Variants in NAV3 observed in about 807,000 individuals in gnomAD.
NAV3 encodes pore membrane and/or filament interacting like protein 1.
In NAV3, 87 loss-of-function variants were observed where a neutral mutation model predicts 244.7. The ratio of observed to expected loss-of-function variants is 0.36; its 90% CI spans 0.30 to 0.42. The LOEUF is 0.42. Ranked by LOEUF, NAV3 falls within the 20% of genes least tolerant of loss-of-function variation. The pLI is 1.00. For missense variants in NAV3, 2,663 were observed against 2,893.3 expected (o/e 0.92, Z 1.83); for synonymous variants, 1,126 against 1,042.2 (o/e 1.08, Z -1.55).
At chr12:77,871,219 A>T (rs1233191078) in intron 1 of NAV3, among the ~76,000 whole-genome samples, 2 of 152,196 alleles carry the variant, frequency 1.3e-5, no homozygotes, top group Non-Finnish European at 2.9e-5. Flanking sequence ...GTGAGAAATA[A>T]CTTCTCTAAG....
At chr12:77,675,759 C>T (rs538064218) in intron 2 of NAV3, among the ~76,000 whole-genome samples, 1 of 152,244 alleles carries the variant, frequency 6.6e-6, no homozygotes, top group Non-Finnish European at 1.5e-5. Context: ...GGTGAGTGTT[C>T]TGGGAAGGTT....
In NAV3 at chr12:77,968,721, G is replaced by A. The variant is rs1194140904; in HGVS notation, c.671+19G>A. The A allele has an allele frequency of 1.2e-6, 2 of 1,602,502 alleles. No individual in the cohort carries two copies. The highest frequency in any genetic ancestry group is 3.4e-5 in the Admixed American group (2 of 58,630). Reference sequence around the variant, plus strand: ...AGTCCAGGTAAGGAAAGGAAGTAGGGAATGTGTTTCCAATTAGTTTGTGTA... The same window carrying A: ...AGTCCAGGTAAGGAAAGGAAGTAGGAAATGTGTTTCCAATTAGTTTGTGTA... On this transcript the variant is annotated intron_variant, in intron 5 of 39. Coordinates refer to ENST00000397909, the MANE Select transcript of NAV3 (RefSeq NM_001024383.2).
At chr12:78,138,988 C>T (rs1428475228) in intron 19 of NAV3, among the ~76,000 whole-genome samples, 2 of 152,110 alleles carry the variant, frequency 1.3e-5, no homozygotes, top group East Asian at 3.9e-4. Context: ...GTTCTAAGGT[C>T]ATAAACAGAA....
At chr12:77,739,447 C>CT (rs529831873) in intron 2 of NAV3, among the ~76,000 whole-genome samples, 18 of 152,164 alleles carry the variant, frequency 1.2e-4, no homozygotes, top group African/African-American at 4.3e-4. Context: ...AGATTTATAC[C>CT]TTTTTGTTAA....
intron 1 of NAV3, among the ~76,000 whole-genome samples, chr12:77,933,931 T>G (rs998466467): frequency 2.0e-5 from 3 of 152,234 alleles, no homozygotes; most frequent in African/African-American, 7.2e-5. Context: ...TTTTTGAGTC[T>G]TAAAACTGTG....
At chr12:78,123,489 A>G (rs1242520545) in intron 16 of NAV3, among the ~76,000 whole-genome samples, 1 of 151,930 alleles carries the variant, frequency 6.6e-6, no homozygotes, top group Admixed American at 6.6e-5. Flanking sequence ...GTTTCCCTTT[A>G]ATGTAGGATG....
intron 2 of NAV3, among the ~76,000 whole-genome samples, chr12:77,691,630 T>A (rs1875037414): frequency 6.6e-6 from 1 of 151,640 alleles, no homozygotes; most frequent in Admixed American, 6.6e-5. Context: ...ATGACCCTTT[T>A]TAACAAATGT....
At position 77,831,557 on chromosome 12, in the gene NAV3, T is replaced by A. The variant is rs1873695721; in HGVS notation, c.96T>A (p.Thr32=). The change falls in exon 1 of 40, where the codon ACT becomes ACA. Residue 32 remains threonine (T), a synonymous_variant. Transcript: ENST00000397909. ...TTCCGATACCAAATCTTGGCACTAC[T>A]GGGTCACAGCACTGTTCTTCAAGAC... The part of the protein sequence containing the change: ...TALPIPNLGT[T]GSQHCSSRPL... 1.2e-6 allele frequency: 2 copies of A among 1,614,002 alleles called. No homozygotes were observed. The highest frequency in any genetic ancestry group is 2.7e-5 in the African/African-American group (2 of 74,926).
At chr12:77,990,036 C>A (rs1217376210) in intron 5 of NAV3, among the ~76,000 whole-genome samples, 1 of 140,068 alleles carries the variant, frequency 7.1e-6, no homozygotes, top group Non-Finnish European at 1.5e-5. Context: ...TTATTTAAAA[C>A]AAATTAAGTA....
At chr12:77,848,727 A>G (rs1482686228) in intron 1 of NAV3, among the ~76,000 whole-genome samples, 2 of 152,180 alleles carry the variant, frequency 1.3e-5, no homozygotes, top group African/African-American at 4.8e-5. Context: ...CAGGATAAAG[A>G]GTTAACTGCC....
At chr12:78,171,485 T>C (rs182218877) in intron 24 of NAV3, among the ~76,000 whole-genome samples, 1 of 151,702 alleles carries the variant, frequency 6.6e-6, no homozygotes, top group East Asian at 1.9e-4. Flanking sequence ...ACAGTTAATA[T>C]CTAAATTGAT....
chr12:77,703,932 A>G (rs1875674564), intron 2 of NAV3, among the ~76,000 whole-genome samples: 2 of 152,196 alleles, frequency 1.3e-5, no homozygotes, highest in South Asian at 2.1e-4. Flanking sequence ...TGGCTTACCA[A>G]TAATCATTTC....
intron 2 of NAV3, among the ~76,000 whole-genome samples, chr12:77,823,959 T>C (rs1216567399): frequency 6.6e-6 from 1 of 152,152 alleles, no homozygotes; most frequent in East Asian, 1.9e-4. Context: ...TGAAAAAGTA[T>C]AGTGTGTGAA....
chr12:77,718,617 G>T (rs113404393), intron 2 of NAV3, among the ~76,000 whole-genome samples: 10 of 149,122 alleles, frequency 6.7e-5, no homozygotes, highest in African/African-American at 2.6e-4. Flanking sequence ...TTTGGATTTT[G>T]ATGGAGATTT....
intron 2 of NAV3, among the ~76,000 whole-genome samples, chr12:77,703,406 T>A (rs1207765591): frequency 6.6e-6 from 1 of 152,152 alleles, no homozygotes; most frequent in Non-Finnish European, 1.5e-5. Context: ...TTAACCACAA[T>A]TCATTTATCC....
chr12:78,053,812 A>C (rs1367034694), intron 11 of NAV3, among the ~76,000 whole-genome samples: 1 of 152,084 alleles, frequency 6.6e-6, no homozygotes. Flanking sequence ...ATTTTTTTTC[A>C]CGGTTCTGTT....
intron 1 of NAV3, among the ~76,000 whole-genome samples, chr12:77,907,585 C>T (rs926969781): frequency 6.6e-6 from 1 of 152,146 alleles, no homozygotes; most frequent in Non-Finnish European, 1.5e-5. Context: ...TTCAACCAAA[C>T]GTTAACTTTA....
chr12:77,776,716 T>A (rs1365545133), intron 2 of NAV3, among the ~76,000 whole-genome samples: 2 of 152,090 alleles, frequency 1.3e-5, no homozygotes, highest in Admixed American at 6.5e-5. Flanking sequence ...ACTCAAACCA[T>A]GATTAATAGG....
Position 78,201,198 on chromosome 12 carries a change from G to A in NAV3, c.6834+607G>A, listed in dbSNP as rs1284245803. Among the ~76,000 whole-genome samples, 5 of 150,288 alleles carry A rather than the reference G, an allele frequency of 3.3e-5. No homozygotes were observed. The South Asian group carries it at 8.4e-4, about 25-fold the overall frequency. ...AGTGATGAGGCTTTCCAAGTAGGTG[G>A]GAGTATAGGCACACACCACCACACT... On this transcript the variant is annotated intron_variant, in intron 38 of 39. Transcript: ENST00000397909.
Sources: gnomAD v4.1 joint callset for allele counts (sites outside exome capture counted in the v4.1 genomes callset) on GRCh38, gnomAD v4.1.1 for gene constraint, MANE v1.5 for transcripts, NCBI Gene and HGNC (gene_info 2026-07-23, HGNC 2026-07-21) for gene names.